The following POP1 variants were observed in gnomAD, a reference collection of about 807,000 sequenced individuals.
The protein encoded by POP1 is POP1 ribonuclease P/MRP subunit.
Under a neutral mutation model 102.2 loss-of-function variants are expected in POP1, and 75 were observed. The ratio of observed to expected loss-of-function variants is 0.73; its 90% CI spans 0.61 to 0.89. The LOEUF is 0.89. Among genes scored for constraint, POP1 ranks in the 40% least tolerant of loss-of-function variants. POP1 has a pLI of 0.00. For synonymous variants in POP1, 436 were observed against 464.1 expected, an observed-to-expected ratio of 0.94 and a Z score of 0.78; for missense variants, 1,116 against 1,267.4, an observed-to-expected ratio of 0.88 and a Z score of 1.81.
chr8:98,159,556 T>C lies in POP1; in HGVS notation c.*1285T>C, dbSNP rs932600483. 6.6e-6 allele frequency: 1 copy of C among 152,222 alleles called. No homozygotes were observed. The highest frequency in any genetic ancestry group is 1.9e-4 in the East Asian group (1 of 5,202). 9.4% of individuals were successfully genotyped at this position (152,222 alleles called of 1,614,324 possible). On this transcript the variant is annotated 3_prime_UTR_variant, in exon 16 of 16. Coordinates refer to ENST00000401707, the MANE Select transcript of POP1 (RefSeq NM_001145860.2). ...TAGAAGAGCTTAATGGGATTTTTTT[T>C]CTAAAAAATGTAAATATGCAGTTAG...
chr8:98,125,179 G>GTTTTT (rs748014497), intron 2 of POP1, among the ~76,000 whole-genome samples: 21 of 102,270 alleles, frequency 2.1e-4, no homozygotes, highest in South Asian at 3.3e-4. Flanking sequence ...TTTACAGACA[G>GTTTTT]TTTTTTTTTT....
In POP1 at chr8:98,156,047, T is replaced by C. The variant is rs1809639204; in HGVS notation, c.2058-3T>C. On this transcript the variant is annotated splice_polypyrimidine_tract_variant and splice_region_variant and intron_variant, in intron 14 of 15. Transcript: ENST00000401707. ...ATTGGTTCTCCTGTATGTTTTTCTTTAGACGCCCTCCTGCAAAACGGCCCA... is the reference window on the plus strand; with the variant it reads ...ATTGGTTCTCCTGTATGTTTTTCTTCAGACGCCCTCCTGCAAAACGGCCCA... The C allele has an allele frequency of 6.2e-7, 1 of 1,613,186 alleles. No homozygotes were observed. Among genetic ancestry groups the C allele is most frequent in the Non-Finnish European group, 8.5e-7 (1 of 1,180,016 alleles).
intron 1 of POP1, among the ~76,000 whole-genome samples, chr8:98,121,903 T>G (rs1816037210): frequency 6.6e-6 from 1 of 152,062 alleles, no homozygotes. Context: ...GCCAAGATGG[T>G]CTCGATCTCC....
chr8:98,154,859 G>A (rs960064332), intron 14 of POP1, among the ~76,000 whole-genome samples: 1 of 151,892 alleles, frequency 6.6e-6, no homozygotes, highest in Admixed American at 6.6e-5. Flanking sequence ...TTTCAGTACT[G>A]GTATAAAGTA....
rs1003045864 is a variant in POP1 at position 98,146,678 on chromosome 8, G to T, written c.1705G>T (p.Asp569Tyr). Reference protein sequence around the residue: ...CKSVTENKISDQDLNRMRSEL... With the variant: ...CKSVTENKISYQDLNRMRSEL... ...GAGTGTCACAGAGAATAAAATCTCG[G>T]ATCAGGTAACTAATAGTGTAAGGGT... is the stretch of plus-strand genomic sequence containing the variant. The change falls in exon 12 of 16, where the codon GAT becomes TAT. Residue 569 changes from aspartate (D) to tyrosine (Y), a missense_variant. Coordinates refer to ENST00000401707, the MANE Select transcript of POP1 (RefSeq NM_001145860.2). 1.9e-6 allele frequency: 3 copies of T among 1,602,520 alleles called. No individual in the cohort carries two copies. The highest frequency in any genetic ancestry group is 3.3e-5 in the Admixed American group (2 of 59,990).
rs535388556 is a variant in POP1, at chr8:98,132,768, A to G, written c.736-1181A>G. Reference sequence around the variant, plus strand: ...CATTGCTGGCACTCAGTAACCCTTCAATGACTATTAACTATTATAGGCCAG... The same window carrying G: ...CATTGCTGGCACTCAGTAACCCTTCGATGACTATTAACTATTATAGGCCAG... On this transcript the variant is annotated intron_variant, in intron 5 of 15. Coordinates refer to ENST00000401707, the MANE Select transcript of POP1 (RefSeq NM_001145860.2). Among the ~76,000 whole-genome samples, 3 of 152,152 alleles carry G rather than the reference A, an allele frequency of 2.0e-5. No individual in the cohort carries two copies. The East Asian group carries it at 5.8e-4, about 29-fold the overall frequency.
rs373298124 is a variant in POP1 at position 98,146,630 on chromosome 8, A to G, written c.1657A>G (p.Ile553Val). The change falls in exon 12 of 16, where the codon ATC (isoleucine) becomes GTC (valine). Residue 553 changes from isoleucine to valine, a missense_variant. By Grantham distance (29) the Ile-to-Val change is conservative (BLOSUM62 3). Coordinates refer to ENST00000401707, the MANE Select transcript of POP1 (RefSeq NM_001145860.2). ...GVPVECTHSFIWNQDICKSVT... is the reference protein window; with the variant it reads ...GVPVECTHSFVWNQDICKSVT... The stretch of plus-strand genomic sequence containing the variant: ...GCCTGTGGAATGTACGCATAGCTTT[A>G]TCTGGAACCAAGATATCTGTAAGAG... 341 of 1,614,086 alleles carry G rather than the reference A, an allele frequency of 2.1e-4. 1 individual carries two copies. The South Asian group carries it at 3.6e-3, about 17-fold the overall frequency.
chr8:98,129,901 T>C lies in POP1; in HGVS notation c.487-77T>C, dbSNP rs917853516. 5 of 1,500,066 alleles carry C rather than the reference T, an allele frequency of 3.3e-6. No homozygotes were observed. The Admixed American group carries it at 5.1e-5, about 15-fold the overall frequency. 92.9% of individuals were successfully genotyped at this position (1,500,066 alleles called of 1,614,324 possible). A position where few individuals can be genotyped will look rare whatever the true frequency, so the allele number is the denominator to read the frequency against. ...AATATTCCACTTAATCTAAAGTTAT[T>C]TGTTTGCATTCCTGACCGTTAACTC... On this transcript the variant is annotated intron_variant, in intron 4 of 15. Coordinates refer to ENST00000401707, the MANE Select transcript of POP1 (RefSeq NM_001145860.2).
At chr8:98,118,905 C>G (rs943509168) in intron 1 of POP1, among the ~76,000 whole-genome samples, 1 of 151,298 alleles carries the variant, frequency 6.6e-6, no homozygotes, top group Non-Finnish European at 1.5e-5. Flanking sequence ...GTTTGAATCT[C>G]AGCACAATCA....
At position 98,117,312 on chromosome 8, in the gene POP1, C is replaced by G. The variant is rs1284236088; in HGVS notation, c.-81C>G. ...TGGCGCATGCGCTCTCCAGCGCGCT[C>G]TCCAGGAGCTTTGGCTCGGTGGGTA... On this transcript the variant is annotated 5_prime_UTR_variant, in exon 1 of 16. Transcript: ENST00000401707. The G allele has an allele frequency of 6.8e-6, 4 of 586,788 alleles. No homozygotes were observed. Among genetic ancestry groups the G allele is most frequent in the Non-Finnish European group, 1.2e-5 (4 of 330,334 alleles). The allele number at this position is 586,788 out of a possible 1,614,324, so 36.3% of individuals were successfully genotyped here. A position where few individuals can be genotyped will look rare whatever the true frequency, so the allele number is the denominator to read the frequency against.
rs368503882 is a variant in POP1 at position 98,131,836 on chromosome 8, C to T, written c.735+1610C>T. 3.9e-5 allele frequency among the ~76,000 whole-genome samples: 6 copies of T among 152,114 alleles called. No individual in the cohort carries two copies. The East Asian group carries it at 9.7e-4, about 25-fold the overall frequency. ...ATGAGTGTGAAGTGAATAAGAGGAC[C>T]TTTTAGGAGTCTTTGATTTGAGAAC... is the stretch of plus-strand genomic sequence containing the variant. On this transcript the variant is annotated intron_variant, in intron 5 of 15. Transcript: ENST00000401707.
intron 3 of POP1, 51 bp downstream of exon 3, chr8:98,127,813 C>T (rs759759178): frequency 6.3e-7 from 1 of 1,582,420 alleles, no homozygotes; most frequent in South Asian, 1.1e-5. Flanking sequence ...ACTCTCGTGT[C>T]TAGTGCAGCA....
chr8:98,159,318 G>A lies in POP1; in HGVS notation c.*1047G>A, dbSNP rs535657371. ...GCTACCTCTGCAAGGTGATAACTAA[G>A]CCGGCAAGCTGCCTTTCAACACTCA... On this transcript the variant is annotated 3_prime_UTR_variant, in exon 16 of 16. Coordinates refer to ENST00000401707, the MANE Select transcript of POP1 (RefSeq NM_001145860.2). 6.6e-6 allele frequency: 1 copy of A among 152,338 alleles called. No homozygotes were observed. The highest frequency in any genetic ancestry group is 2.4e-5 in the African/African-American group (1 of 41,570). The allele number at this position is 152,338 out of a possible 1,614,324, so 9.4% of individuals were successfully genotyped here.
intron 1 of POP1, among the ~76,000 whole-genome samples, chr8:98,121,697 T>TAGTAGAGACGGGG (rs1816029837): frequency 6.6e-6 from 1 of 151,458 alleles, no homozygotes; most frequent in Non-Finnish European, 1.5e-5. Flanking sequence ...TTTTTTTTTT[T>TAGTAGAGACGGGG]TTTGAGATGG....
At chr8:98,127,893 C>T in intron 3 of POP1, 131 bp downstream of exon 3, 1 of 942,622 alleles carries the variant, frequency 1.1e-6, no homozygotes, top group Non-Finnish European at 1.7e-6. Flanking sequence ...ACTTTAGACC[C>T]TTCTCGCCTC....
Position 98,140,548 on chromosome 8 carries a change from C to CT in POP1, c.1475-214dup, listed in dbSNP as rs568781084. On this transcript the variant is annotated intron_variant, in intron 10 of 15. Coordinates refer to ENST00000401707, the MANE Select transcript of POP1 (RefSeq NM_001145860.2). ...ATATGTGTTCATTTCATAAAAGAAC[C>CT]TTTTTTTATGTTGGCCTCATGTTTT... 3.4e-4 allele frequency among the ~76,000 whole-genome samples: 52 copies of CT among 152,122 alleles called. No homozygotes were observed. The East Asian group carries it at 9.6e-3, about 28-fold the overall frequency.
At chr8:98,139,355 CA>C (rs1380353469) in intron 9 of POP1, among the ~76,000 whole-genome samples, 1 of 152,132 alleles carries the variant, frequency 6.6e-6, no homozygotes, top group East Asian at 1.9e-4. Context: ...GAAAGTTCTT[CA>C]AAAGGTACTG....
intron 10 of POP1, 129 bp downstream of exon 10, chr8:98,140,318 T>A: frequency 1.3e-6 from 1 of 745,902 alleles, no homozygotes; most frequent in Non-Finnish European, 2.4e-6. Context: ...GAGAACCAAG[T>A]AAGAGAGGGA....
intron 1 of POP1, among the ~76,000 whole-genome samples, chr8:98,118,314 T>C (rs926465392): frequency 2.6e-5 from 4 of 152,232 alleles, no homozygotes; most frequent in Non-Finnish European, 5.9e-5. Flanking sequence ...GAATACTCTT[T>C]CTTCCTTATC....
Sources: gnomAD v4.1 joint callset for allele counts (sites outside exome capture counted in the v4.1 genomes callset) on GRCh38, gnomAD v4.1.1 for gene constraint, MANE v1.5 for transcripts, NCBI Gene and HGNC (gene_info 2026-07-23, HGNC 2026-07-21) for gene names.